Variants in ZNF836 observed in about 807,000 individuals in gnomAD.
ZNF836 encodes zinc finger protein 836.
In ZNF836, 12 loss-of-function variants were observed where a neutral mutation model predicts 7.4. That is an observed-to-expected ratio of 1.61 (90% CI 1.03 to 2.61). The LOEUF is 2.61. ZNF836 is among the 30% of genes most tolerant of loss of function. The probability of loss-of-function intolerance (pLI) is 0.00; values close to 1 mark genes in which losing one functional copy is unlikely to be tolerated. For synonymous variants in ZNF836, 365 were observed against 382.6 expected (o/e 0.95, Z 0.54); for missense variants, 998 against 1,126.2 (o/e 0.89, Z 1.63).
At chr19:52,169,926 T>G (rs975825960) in intron 1 of ZNF836, 145 bp from the exon 2 acceptor site, 3 of 152,150 alleles carry the variant, frequency 2.0e-5, no homozygotes, top group African/African-American at 7.2e-5. Context: ...ATTTAAATGC[T>G]CTCTGGCTAA....
chr19:52,160,587 G>A lies in ZNF836; in HGVS notation c.20C>T (p.Pro7Leu), dbSNP rs1278062336. The A allele has an allele frequency of 1.2e-6, 2 of 1,605,696 alleles. No homozygotes were observed. Among genetic ancestry groups the A allele is most frequent in the Non-Finnish European group, 1.7e-6 (2 of 1,177,824 alleles). Residue 7 changes from proline (P) to leucine (L), a missense_variant, in exon 4 of 5, where the codon CCT (proline) becomes CTT (leucine). Transcript: ENST00000682614. ...TATGGCTACATCCCTGAATGTCAAAGGTCCCTGAAATGAAAAACACATTTC... is the reference window on the plus strand; with the variant it reads ...TATGGCTACATCCCTGAATGTCAAAAGTCCCTGAAATGAAAAACACATTTC... MALTQG[P>L]LTFRDVAIEF...
intron 4 of ZNF836, chr19:52,160,224 A>G: frequency 1.7e-6 from 1 of 589,742 alleles, no homozygotes; most frequent in South Asian, 2.1e-5. Flanking sequence ...TATACTGACT[A>G]ATACTTAAAT....
chr19:52,160,719 GAGA>G (rs780860655), intron 3 of ZNF836, 128 bp from the exon 4 acceptor site: 2 of 1,183,340 alleles, frequency 1.7e-6, no homozygotes, highest in East Asian at 2.5e-5. Flanking sequence ...AGGCATCTGT[GAGA>G]AGGTTATGTG....
At chr19:52,168,975 GT>G (rs1213921791) in intron 2 of ZNF836, among the ~76,000 whole-genome samples, 5 of 152,198 alleles carry the variant, frequency 3.3e-5, no homozygotes, top group African/African-American at 7.2e-5. Context: ...ATGGAAAAAT[GT>G]TGGCCAAAGC....
In ZNF836 at chr19:52,155,583, T is replaced by G; in HGVS notation, c.2100A>C (p.Gly700=). 1 of 1,613,708 alleles carries G rather than the reference T, an allele frequency of 6.2e-7. No individual in the cohort carries two copies. The highest frequency in any genetic ancestry group is 8.5e-7 in the Non-Finnish European group (1 of 1,179,822). ...GTTTTGAACTTTGGATAAATGCCCC[T>G]CCAAACTCATTACAATTGTAAGGTT... ...GEKPYNCNEF[G]GAFIQSSKLA... Residue 700 remains glycine, a synonymous_variant, in exon 5 of 5, where the codon GGA becomes GGC. Coordinates refer to ENST00000682614, the MANE Select transcript of ZNF836 (RefSeq NM_001102657.3).
rs1250329887 is a variant in ZNF836, at chr19:52,161,821, A to G, written c.16-1230T>C. Among the ~76,000 whole-genome samples the G allele has an allele frequency of 6.6e-6, 1 of 152,228 alleles. No homozygotes were observed. The highest frequency in any genetic ancestry group is 2.4e-5 in the African/African-American group (1 of 41,464). ...TATCTAACTATAATCTAAATCAGAT[A>G]TGGGTGAGACTCAAACATGCATTTC... On this transcript the variant is annotated intron_variant, in intron 3 of 4. Coordinates refer to ENST00000682614, the MANE Select transcript of ZNF836 (RefSeq NM_001102657.3). This position sits in a 1 kb window ranked among gnomAD's most constrained non-coding sequence, Gnocchi z 4.1.
chr19:52,171,091 CG>C (rs1237965848), intron 1 of ZNF836: 2 of 152,030 alleles, frequency 1.3e-5, no homozygotes, highest in Non-Finnish European at 2.9e-5. Flanking sequence ...CTTCAGGAGC[CG>C]GACGGCGGGC....
intron 3 of ZNF836, among the ~76,000 whole-genome samples, chr19:52,167,659 T>G (rs1290684865): frequency 6.6e-6 from 1 of 152,092 alleles, no homozygotes; most frequent in African/African-American, 2.4e-5. Context: ...AGGTCTCTTT[T>G]CCAGAATTTA....
At chr19:52,166,953 T>TA (rs973482507) in intron 3 of ZNF836, among the ~76,000 whole-genome samples, 1 of 151,788 alleles carries the variant, frequency 6.6e-6, no homozygotes, top group Non-Finnish European at 1.5e-5. Flanking sequence ...ATGTGATGTT[T>TA]AAAATAAAAG....
intron 3 of ZNF836, among the ~76,000 whole-genome samples, chr19:52,164,268 T>C (rs566262841): frequency 2.6e-5 from 4 of 151,782 alleles, no homozygotes; most frequent in East Asian, 1.9e-4. Context: ...TGGTGCGTGC[T>C]TGTAATCCCA....
intron 2 of ZNF836, 148 bp from the exon 3 acceptor site, chr19:52,168,300 C>T: frequency 1.8e-6 from 1 of 543,370 alleles, no homozygotes; most frequent in Non-Finnish European, 3.2e-6. Flanking sequence ...TAAACAAAGA[C>T]CAAGTGTCCT....
intron 3 of ZNF836, among the ~76,000 whole-genome samples, chr19:52,166,626 T>A (rs889206640): frequency 8.1e-5 from 12 of 148,142 alleles, no homozygotes; most frequent in African/African-American, 3.0e-4. Flanking sequence ...CAGGCTGGAG[T>A]GCAGTGGCAC....
chr19:52,159,147 A>C (rs1166248738), intron 4 of ZNF836, among the ~76,000 whole-genome samples: 4 of 152,156 alleles, frequency 2.6e-5, no homozygotes, highest in Non-Finnish European at 5.9e-5. Context: ...AAACGACCCT[A>C]TCTATGGTAT....
In ZNF836 at chr19:52,157,110, A is replaced by G. The variant is rs375604597; in HGVS notation, c.573T>C (p.Ile191=). ...AAAACTCATTCTCATATTTTTTAGA[A>G]ATGTTGGTTTGGACACTAGGAAGAA... ...QRILPSVQTN[I]SKKYENEFLQ... The change falls in exon 5 of 5, where the codon ATT becomes ATC. Residue 191 remains isoleucine, a synonymous_variant. Coordinates refer to ENST00000682614, the MANE Select transcript of ZNF836 (RefSeq NM_001102657.3). The G allele has an allele frequency of 4.0e-5, 65 of 1,613,860 alleles. No homozygotes were observed. The East Asian group carries it at 4.5e-4, about 11-fold the overall frequency.
At chr19:52,164,670 T>C (rs1433097387) in intron 3 of ZNF836, among the ~76,000 whole-genome samples, 1 of 152,006 alleles carries the variant, frequency 6.6e-6, no homozygotes, top group Non-Finnish European at 1.5e-5. Flanking sequence ...GAAGAGAGCA[T>C]GAGGGGCTCA....
chr19:52,158,820 G>T (rs1267694527), intron 4 of ZNF836, among the ~76,000 whole-genome samples: 1 of 152,134 alleles, frequency 6.6e-6, no homozygotes, highest in Non-Finnish European at 1.5e-5. Flanking sequence ...AGCAGTGCAA[G>T]TCAGCTATAT....
chr19:52,157,867 C>A (rs1200161608), intron 4 of ZNF836, among the ~76,000 whole-genome samples: 1 of 152,006 alleles, frequency 6.6e-6, no homozygotes, highest in Admixed American at 6.6e-5. Flanking sequence ...CTGCGCCTGG[C>A]CGAACATAGA....
At chr19:52,170,704 C>T (rs1317765153) in intron 1 of ZNF836, among the ~76,000 whole-genome samples, 7 of 152,130 alleles carry the variant, frequency 4.6e-5, no homozygotes, top group African/African-American at 1.7e-4. Flanking sequence ...CCTAAATTAT[C>T]ATCCATTTTG....
At chr19:52,160,407 A>G in intron 4 of ZNF836, 58 bp downstream of exon 4, 1 of 1,611,378 alleles carries the variant, frequency 6.2e-7, no homozygotes, top group South Asian at 1.1e-5. Flanking sequence ...AAGACAACAG[A>G]GAAAATACAA....
Sources: allele counts gnomAD v4.1 joint callset (sites outside exome capture counted in the v4.1 genomes callset), GRCh38; gene constraint gnomAD v4.1.1; non-coding constraint Gnocchi (gnomAD v3.1); transcripts MANE v1.5; gene names NCBI Gene and HGNC (gene_info 2026-07-23, HGNC 2026-07-21).